GRIA2: variants seen among roughly 807,000 people sequenced by gnomAD.
GRIA2 encodes the protein glutamate ionotropic receptor AMPA type subunit 2, also known as glutamate receptor 2.
GRIA2 carries 14 observed loss-of-function variants against 97.3 expected under a neutral mutation model. That is an observed-to-expected ratio of 0.14 (90% CI 0.10 to 0.23). GRIA2 has a LOEUF of 0.23. Among genes scored for constraint, GRIA2 ranks in the 10% least tolerant of loss-of-function variants. The pLI, the probability that GRIA2 is intolerant of heterozygous loss-of-function variation, is 1.00. For synonymous variants in GRIA2, 412 were observed against 387.8 expected (o/e 1.06, Z -0.73); for missense variants, 558 against 1,069.8 (o/e 0.52, Z 6.67).
intron 2 of GRIA2, among the ~76,000 whole-genome samples, chr4:157,302,799 A>G (rs988221740): frequency 6.6e-6 from 1 of 152,194 alleles, no homozygotes; most frequent in African/African-American, 2.4e-5. Context: ...GTGAAAGCAG[A>G]TAGTGTCATA....
intron 4 of GRIA2, among the ~76,000 whole-genome samples, chr4:157,313,076 A>T (rs1734157427): frequency 6.6e-6 from 1 of 152,172 alleles, no homozygotes; most frequent in East Asian, 1.9e-4. Context: ...CTGGCACATC[A>T]TGTTAATCAT....
chr4:157,266,487 A>G (rs1413870610), intron 2 of GRIA2, among the ~76,000 whole-genome samples: 1 of 152,002 alleles, frequency 6.6e-6, no homozygotes, highest in Non-Finnish European at 1.5e-5. Context: ...GGTTTCCAGT[A>G]GGTTATGAGG....
intron 2 of GRIA2, among the ~76,000 whole-genome samples, chr4:157,224,723 A>G (rs144800075): frequency 1.4e-3 from 209 of 152,136 alleles, no homozygotes; most frequent in African/African-American, 4.8e-3. Flanking sequence ...CCTGCTTAAG[A>G]TTTTTCTCCA....
At position 157,361,695 on chromosome 4, in the gene GRIA2, C is replaced by A; in HGVS notation, c.2406+571C>A. The stretch of plus-strand genomic sequence containing the variant: ...TTATGTGAAAAAACAAAATCAAACA[C>A]AAACAGCAAAATCAAACCACAAGTG... On this transcript the variant is annotated intron_variant, in intron 14 of 15. Transcript: ENST00000264426. This position sits in a 1 kb window ranked among gnomAD's most constrained non-coding sequence, Gnocchi z 5.2. 7.3e-7 allele frequency: 1 copy of A among 1,364,158 alleles called. No homozygotes were observed. Among genetic ancestry groups the A allele is most frequent in the Non-Finnish European group, 1.0e-6 (1 of 955,024 alleles). The allele number at this position is 1,364,158 out of a possible 1,614,324, so 84.5% of individuals were successfully genotyped here. A position where few individuals can be genotyped will look rare whatever the true frequency, so the allele number is the denominator to read the frequency against.
chr4:157,221,847 G>A (rs1430906736), intron 2 of GRIA2, 40 bp downstream of exon 2: 1 of 1,598,108 alleles, frequency 6.3e-7, no homozygotes, highest in South Asian at 1.1e-5. Context: ...TGCTGCACGC[G>A]GAAGGCCAGC....
intron 2 of GRIA2, among the ~76,000 whole-genome samples, chr4:157,272,028 A>G (rs1732050314): frequency 6.6e-6 from 1 of 152,106 alleles, no homozygotes; most frequent in Admixed American, 6.6e-5. Flanking sequence ...AGATTAAGAA[A>G]AATTCAATAA....
chr4:157,276,891 G>A (rs763016799), intron 2 of GRIA2, among the ~76,000 whole-genome samples: 3 of 151,926 alleles, frequency 2.0e-5, no homozygotes, highest in African/African-American at 4.8e-5. Flanking sequence ...ATAAACCTAT[G>A]TCTATTAAAG....
Position 157,341,246 on chromosome 4 carries a change from T to C in GRIA2, c.1845-18T>C. 6.4e-7 allele frequency: 1 copy of C among 1,573,954 alleles called. No homozygotes were observed. The highest frequency in any genetic ancestry group is 8.7e-7 in the Non-Finnish European group (1 of 1,143,832). ...TCATTCATTTCACTTTACAAATCCA[T>C]TTCATACTTGTTATTAGATCCCTCT... On this transcript the variant is annotated intron_variant, in intron 11 of 15. Transcript: ENST00000264426.
chr4:157,233,261 G>A (rs1341557906), intron 2 of GRIA2, among the ~76,000 whole-genome samples: 2 of 152,122 alleles, frequency 1.3e-5, no homozygotes, highest in Non-Finnish European at 2.9e-5. Flanking sequence ...TTTAAAACCT[G>A]AGGTGTTACT....
chr4:157,266,554 C>T (rs1034328728), intron 2 of GRIA2, among the ~76,000 whole-genome samples: 1 of 151,940 alleles, frequency 6.6e-6, no homozygotes, highest in Non-Finnish European at 1.5e-5. Context: ...CAAAAGTCCT[C>T]GGAGACCTTG....
chr4:157,301,301 A>G (rs1733604578), intron 2 of GRIA2, among the ~76,000 whole-genome samples: 1 of 152,272 alleles, frequency 6.6e-6, no homozygotes, highest in African/African-American at 2.4e-5. Flanking sequence ...GAAAGGACAT[A>G]GTTATCAAAT....
At chr4:157,221,349 C>A (rs1729483758) in intron 1 of GRIA2, 1 of 559,128 alleles carries the variant, frequency 1.8e-6, no homozygotes, top group South Asian at 2.5e-5. Context: ...CATTTCGGAT[C>A]CCCAAATTTT....
At chr4:157,252,394 T>A (rs1447020687) in intron 2 of GRIA2, among the ~76,000 whole-genome samples, 2 of 152,114 alleles carry the variant, frequency 1.3e-5, no homozygotes, top group Non-Finnish European at 2.9e-5. Flanking sequence ...TTTAGAAGAA[T>A]AAAGTAAGTC....
At chr4:157,354,449 G>A (rs1333017830) in intron 12 of GRIA2, among the ~76,000 whole-genome samples, 2 of 152,082 alleles carry the variant, frequency 1.3e-5, no homozygotes, top group Non-Finnish European at 2.9e-5. Flanking sequence ...ATGATACACT[G>A]TTATTTTCTG....
intron 15 of GRIA2, 81 bp from the exon 16 acceptor site, chr4:157,363,354 A>G: frequency 1.0e-6 from 1 of 973,738 alleles, no homozygotes; most frequent in Non-Finnish European, 1.3e-6. Flanking sequence ...TTTCAAAAAC[A>G]ACCCTGCCTT....
chr4:157,351,143 A>C (rs1661921653), intron 12 of GRIA2, among the ~76,000 whole-genome samples: 1 of 152,124 alleles, frequency 6.6e-6, no homozygotes, highest in African/African-American at 2.4e-5. Context: ...ATATGAAGAA[A>C]TAATAATCAA....
At chr4:157,225,497 T>C (rs532177832) in intron 2 of GRIA2, among the ~76,000 whole-genome samples, 73 of 152,164 alleles carry the variant, frequency 4.8e-4, no homozygotes, top group Non-Finnish European at 9.0e-4. Flanking sequence ...CTGAGATTAG[T>C]ATCTGATGTG....
At chr4:157,235,832 G>T (rs1270644042) in intron 2 of GRIA2, among the ~76,000 whole-genome samples, 1 of 151,936 alleles carries the variant, frequency 6.6e-6, no homozygotes, top group Non-Finnish European at 1.5e-5. Flanking sequence ...AAATTATGGG[G>T]ATTAACTAAT....
At chr4:157,281,011 C>T (rs564461294) in intron 2 of GRIA2, among the ~76,000 whole-genome samples, 3 of 152,002 alleles carry the variant, frequency 2.0e-5, no homozygotes, top group Admixed American at 2.0e-4. Context: ...GGACTGCATG[C>T]AAAGCTTTAT....
Sources: allele counts gnomAD v4.1 joint callset (sites outside exome capture counted in the v4.1 genomes callset), GRCh38; gene constraint gnomAD v4.1.1; non-coding constraint Gnocchi (gnomAD v3.1); transcripts MANE v1.5; gene names NCBI Gene and HGNC (gene_info 2026-07-23, HGNC 2026-07-21).